SND1: variants seen among roughly 807,000 people sequenced by gnomAD.
SND1 encodes the protein staphylococcal nuclease domain-containing protein 1.
SND1 carries 38 observed loss-of-function variants against 121.7 expected under a neutral mutation model. The observed-to-expected ratio is 0.31, with a 90% CI of 0.24 to 0.41. The LOEUF (loss-of-function observed/expected upper bound fraction) is 0.41, where lower values mean the gene tolerates loss of function less well. SND1 is among the 10% of genes least tolerant of loss of function. The probability of loss-of-function intolerance (pLI) is 1.00; values close to 1 mark genes in which losing one functional copy is unlikely to be tolerated. For synonymous variants in SND1, 401 were observed against 447.4 expected, an observed-to-expected ratio of 0.90 and a Z score of 1.31; for missense variants, 868 against 1,184.6, an observed-to-expected ratio of 0.73 and a Z score of 3.92.
chr7:128,005,719 G>A (rs2116939791), intron 16 of SND1, among the ~76,000 whole-genome samples: 1 of 152,332 alleles, frequency 6.6e-6, no homozygotes, highest in East Asian at 1.9e-4. Flanking sequence ...AAAGCTGGGT[G>A]AAGAAGGAGA....
At chr7:127,730,225 C>T (rs1302829588) in intron 10 of SND1, among the ~76,000 whole-genome samples, 2 of 152,214 alleles carry the variant, frequency 1.3e-5, no homozygotes, top group East Asian at 3.8e-4. Context: ...CCCCGGCTTC[C>T]CAAAGTGCTG....
At chr7:127,684,726 G>T (rs769014470) in intron 1 of SND1, among the ~76,000 whole-genome samples, 1 of 152,156 alleles carries the variant, frequency 6.6e-6, no homozygotes, top group Non-Finnish European at 1.5e-5. Context: ...CTGATAACAG[G>T]ATAAAAACGA....
chr7:128,090,010 G>A (rs1342582157), intron 22 of SND1, among the ~76,000 whole-genome samples: 3 of 152,042 alleles, frequency 2.0e-5, no homozygotes, highest in Non-Finnish European at 2.9e-5. Context: ...TGTCCCTCCC[G>A]CTCTCCCAGT....
intron 10 of SND1, among the ~76,000 whole-genome samples, chr7:127,763,443 C>T (rs1426749764): frequency 6.6e-6 from 1 of 152,066 alleles, no homozygotes; most frequent in African/African-American, 2.4e-5. Context: ...ATGTTCTGGG[C>T]TCAAGAGATA....
intron 1 of SND1, among the ~76,000 whole-genome samples, chr7:127,685,552 C>A (rs879608927): frequency 7.2e-5 from 11 of 152,186 alleles, no homozygotes; most frequent in Admixed American, 2.0e-4. Context: ...TATGTGTCTT[C>A]TTCCCTTCTT....
At position 128,029,990 on chromosome 7, in the gene SND1, C is replaced by A. The variant is rs779078017; in HGVS notation, c.1779+38934C>A. The A allele has an allele frequency of 6.2e-6, 10 of 1,613,180 alleles. No individual in the cohort carries two copies. Among genetic ancestry groups the A allele is most frequent in the Non-Finnish European group, 6.8e-6 (8 of 1,180,034 alleles). ...ACATCTCCAGCTCCTCCAGCCCCAC[C>A]AGGGGGGTGAGATTGGGCATGTCTT... On this transcript the variant is annotated intron_variant, in intron 16 of 23. Transcript: ENST00000354725. This position sits in a 1 kb window ranked among gnomAD's most constrained non-coding sequence, Gnocchi z 4.2.
chr7:127,898,179 T>A (rs1357918423), intron 13 of SND1, among the ~76,000 whole-genome samples: 1 of 152,130 alleles, frequency 6.6e-6, no homozygotes, highest in Admixed American at 6.6e-5. Context: ...CACAATAGCA[T>A]GTATCTTCAT....
chr7:127,878,420 A>T (rs747192581), intron 12 of SND1, among the ~76,000 whole-genome samples: 2 of 152,170 alleles, frequency 1.3e-5, no homozygotes, highest in African/African-American at 2.4e-5. Context: ...TCATGCCTTT[A>T]TGTTGCCATA....
intron 16 of SND1, among the ~76,000 whole-genome samples, chr7:128,048,754 G>C (rs562308919): frequency 6.6e-6 from 1 of 152,326 alleles, no homozygotes; most frequent in East Asian, 1.9e-4. Context: ...GAGCTCTCAA[G>C]TGATGCAGGG....
At position 128,084,071 on chromosome 7, in the gene SND1, G is replaced by A. The variant is rs569446013; in HGVS notation, c.2111-653G>A. Reference sequence around the variant, plus strand: ...AGTACAGCCCCAGCCCAGCAGCACTGGAAGTCCTGTTCAGCATGTATCTTG... The same window carrying A: ...AGTACAGCCCCAGCCCAGCAGCACTAGAAGTCCTGTTCAGCATGTATCTTG... On this transcript the variant is annotated intron_variant, in intron 18 of 23. Transcript: ENST00000354725. Among the ~76,000 whole-genome samples the A allele has an allele frequency of 2.0e-5, 3 of 152,342 alleles. No homozygotes were observed. In the East Asian group the frequency reaches 5.8e-4, roughly 29 times the overall value.
At chr7:128,086,834 GC>G in intron 20 of SND1, 103 bp from the exon 21 acceptor site, 1 of 897,728 alleles carries the variant, frequency 1.1e-6, no homozygotes, top group Non-Finnish European at 1.8e-6. Flanking sequence ...GAACAGGGTG[GC>G]CCAGAGTTAG....
chr7:127,851,321 C>T (rs747418742), intron 12 of SND1, among the ~76,000 whole-genome samples: 3 of 152,230 alleles, frequency 2.0e-5, no homozygotes, highest in Non-Finnish European at 4.4e-5. Context: ...CAAAGTGTAC[C>T]ATGGAGAGCC....
At chr7:128,047,518 A>G (rs975702951) in intron 16 of SND1, among the ~76,000 whole-genome samples, 2 of 152,268 alleles carry the variant, frequency 1.3e-5, no homozygotes, top group African/African-American at 2.4e-5. Flanking sequence ...ACCACTTACC[A>G]TAAATGAAAG....
intron 11 of SND1, among the ~76,000 whole-genome samples, chr7:127,811,498 C>G (rs188892418): frequency 2.6e-5 from 4 of 152,244 alleles, no homozygotes; most frequent in Middle Eastern, 3.4e-3. Flanking sequence ...CACCCTTATT[C>G]CAGTCCCTCA....
intron 10 of SND1, among the ~76,000 whole-genome samples, chr7:127,767,640 A>G (rs77444844): frequency 0.011 from 1,636 of 152,324 alleles, 15 homozygotes; most frequent in Non-Finnish European, 0.015. Context: ...GGTTCTAATA[A>G]TGATTCTAAC....
chr7:127,947,466 T>G (rs180783766), intron 15 of SND1, among the ~76,000 whole-genome samples: 1 of 152,336 alleles, frequency 6.6e-6, no homozygotes, highest in Admixed American at 6.5e-5. Flanking sequence ...ATTCTGTTAT[T>G]TAATGGCACT....
At chr7:128,002,985 G>A (rs11761621) in intron 16 of SND1, among the ~76,000 whole-genome samples, 12,236 of 152,274 alleles carry the variant, frequency 0.08, 524 homozygotes, top group South Asian at 0.13. Flanking sequence ...CACTTTGGAG[G>A]CCGAGGCAGG....
chr7:127,677,874 C>T (rs935945452), intron 1 of SND1, among the ~76,000 whole-genome samples: 3 of 152,196 alleles, frequency 2.0e-5, no homozygotes, highest in African/African-American at 7.2e-5. Flanking sequence ...TTCGCCAATC[C>T]TGCATTTTAT....
chr7:128,076,241 C>T (rs1793504850), intron 17 of SND1, among the ~76,000 whole-genome samples: 1 of 152,208 alleles, frequency 6.6e-6, no homozygotes, highest in Non-Finnish European at 1.5e-5. Flanking sequence ...GTGCTGAACT[C>T]AGCATCGTTA....
Sources: gnomAD v4.1 joint callset for allele counts (sites outside exome capture counted in the v4.1 genomes callset) on GRCh38, gnomAD v4.1.1 for gene constraint, Gnocchi (gnomAD v3.1) non-coding constraint, MANE v1.5 for transcripts, NCBI Gene and HGNC (gene_info 2026-07-23, HGNC 2026-07-21) for gene names.